Variants in ARL13A observed in about 807,000 individuals in gnomAD.
The protein encoded by ARL13A is ADP-ribosylation factor-like protein 13A.
Under a neutral mutation model 19.1 loss-of-function variants are expected in ARL13A, and 16 were observed. That is an observed-to-expected ratio of 0.84 (90% CI 0.57 to 1.27). The LOEUF is 1.27. Among genes scored for constraint, ARL13A ranks in the 50% most tolerant of loss-of-function variants. ARL13A has a pLI of 0.00. For missense variants in ARL13A, 153 were observed against 186.4 expected (o/e 0.82, Z 1.04); for synonymous variants, 69 against 71.3 (o/e 0.97, Z 0.17).
At chrX:100,988,953 C>T (rs60200387) in intron 7 of ARL13A, among the ~76,000 whole-genome samples, 12,843 of 103,575 alleles carry the variant, frequency 0.12, 719 homozygotes, top group Admixed American at 0.16. Context: ...AGGATAATTA[C>T]GCAAGTACCC....
chrX:100,990,671 C>A lies in ARL13A; in HGVS notation c.*83C>A. 1.0e-6 allele frequency: 1 copy of A among 976,607 alleles called. No homozygotes were observed. Among genetic ancestry groups the A allele is most frequent in the Non-Finnish European group, 1.4e-6 (1 of 704,065 alleles). The allele number at this position is 976,607 out of a possible 1,213,427, so 80.5% of individuals were successfully genotyped here. A position where few individuals can be genotyped will look rare whatever the true frequency, so the allele number is the denominator to read the frequency against. Reference sequence around the variant, plus strand: ...AGAACAGAGACTTTACATCTTTGTACCGAGATGCTGCTGACAAAGCTTGTG... The same window carrying A: ...AGAACAGAGACTTTACATCTTTGTAACGAGATGCTGCTGACAAAGCTTGTG... On this transcript the variant is annotated 3_prime_UTR_variant, in exon 8 of 8. Coordinates refer to ENST00000450049, the MANE Select transcript of ARL13A (RefSeq NM_001162491.2).
chrX:100,976,645 T>C (rs980680446), intron 3 of ARL13A, among the ~76,000 whole-genome samples: 2 of 112,533 alleles, frequency 1.8e-5, no homozygotes, highest in African/African-American at 6.5e-5. Context: ...GGAGTTTCAC[T>C]CTTGTTGCCC....
At chrX:100,970,398 C>T (rs995568545) in intron 1 of ARL13A, among the ~76,000 whole-genome samples, 4 of 112,466 alleles carry the variant, frequency 3.6e-5, no homozygotes, top group South Asian at 7.4e-4. Flanking sequence ...CTGGATGACT[C>T]TGCAGAACCC....
At chrX:100,970,633 C>A (rs945408979) in intron 1 of ARL13A, among the ~76,000 whole-genome samples, 1 of 111,033 alleles carries the variant, frequency 9.0e-6, no homozygotes, top group Non-Finnish European at 1.9e-5. Context: ...GTTGGCACTG[C>A]GAAACCCATG....
intron 1 of ARL13A, among the ~76,000 whole-genome samples, chrX:100,973,338 G>A (rs1477553862): frequency 3.9e-4 from 38 of 96,210 alleles, no homozygotes; most frequent in Non-Finnish European, 3.2e-4. Flanking sequence ...CTGCAATCTC[G>A]GTACTTTGGG....
At chrX:100,975,767 G>A (rs915330263) in intron 3 of ARL13A, among the ~76,000 whole-genome samples, 1 of 109,524 alleles carries the variant, frequency 9.1e-6, no homozygotes, top group South Asian at 4.0e-4. Context: ...CGAGTAGCTG[G>A]GATTACATGT....
intron 3 of ARL13A, among the ~76,000 whole-genome samples, chrX:100,980,571 G>GTGCT (rs1468847884): frequency 9.0e-6 from 1 of 110,924 alleles, no homozygotes; most frequent in African/African-American, 3.3e-5. Flanking sequence ...AGTCTGCTTG[G>GTGCT]TGCTGTATTT....
chrX:100,976,602 G>T (rs1044551032), intron 3 of ARL13A, among the ~76,000 whole-genome samples: 1 of 111,993 alleles, frequency 8.9e-6, no homozygotes, highest in African/African-American at 3.2e-5. Context: ...TGTTTTTGTT[G>T]TTGTTGTTAG....
At chrX:100,971,107 C>T (rs890094768) in intron 1 of ARL13A, among the ~76,000 whole-genome samples, 1 of 106,714 alleles carries the variant, frequency 9.4e-6, no homozygotes, top group Non-Finnish European at 1.9e-5. Flanking sequence ...CCTAAATTAT[C>T]CTTTTTACTT....
At chrX:100,978,788 T>C in intron 3 of ARL13A, among the ~76,000 whole-genome samples, 1 of 111,328 alleles carries the variant, frequency 9.0e-6, no homozygotes. Flanking sequence ...TCTTCCTTTT[T>C]GTGAAAGTGA....
chrX:100,983,646 C>T (rs748909291), intron 3 of ARL13A, among the ~76,000 whole-genome samples: 27 of 111,427 alleles, frequency 2.4e-4, no homozygotes, highest in East Asian at 2.8e-4. Flanking sequence ...TGTGAGCCAC[C>T]GTCCCTGGCC....
chrX:100,979,474 T>C (rs1266528127), intron 3 of ARL13A, among the ~76,000 whole-genome samples: 1 of 112,348 alleles, frequency 8.9e-6, no homozygotes, highest in Non-Finnish European at 1.9e-5. Flanking sequence ...TCAATCTTTG[T>C]TAAACTTATC....
chrX:100,974,013 C>A, intron 2 of ARL13A, 114 bp from the exon 3 acceptor site: 1 of 629,729 alleles, frequency 1.6e-6, no homozygotes, highest in East Asian at 3.6e-5. Context: ...ATGGTACATG[C>A]ATTGAGATTA....
rs1273086551 is a variant in ARL13A at position 100,973,661 on chromosome X, C to T, written c.-14-15C>T. On this transcript the variant is annotated splice_polypyrimidine_tract_variant and intron_variant, in intron 1 of 7. Coordinates refer to ENST00000450049, the MANE Select transcript of ARL13A (RefSeq NM_001162491.2). Reference sequence around the variant, plus strand: ...GGACTTACTTCTTATTTTCTTTCTTCTCTTAATATTTAAGAACTAAGATGA... The same window carrying T: ...GGACTTACTTCTTATTTTCTTTCTTTTCTTAATATTTAAGAACTAAGATGA... 8.3e-7 allele frequency: 1 copy of T among 1,199,117 alleles called. No individual in the cohort carries two copies. The highest frequency in any genetic ancestry group is 1.7e-5 in the African/African-American group (1 of 57,598).
In ARL13A at chrX:100,986,844, T is replaced by C; in HGVS notation, c.429T>C (p.Ile143=). 8.3e-7 allele frequency: 1 copy of C among 1,207,564 alleles called. No homozygotes were observed. The highest frequency in any genetic ancestry group is 1.1e-6 in the Non-Finnish European group (1 of 893,150). ...DKKKALMPCD[I]IDYLLLKKLV... is the part of the protein sequence containing the mutation. ...AGAAAGCCCTCATGCCTTGTGATAT[T>C]ATTGACTATCTACTTCTAAAGAAGC... Residue 143 remains isoleucine (I), a synonymous_variant, in exon 5 of 8, where the codon ATT becomes ATC. Coordinates refer to ENST00000450049, the MANE Select transcript of ARL13A (RefSeq NM_001162491.2).
rs188949775 is a variant in ARL13A, at chrX:100,986,469, G to T, written c.381-327G>T. ...CAACTAGAGCATGAACAGAGTTTGGGAAAGGATGTAAAAACTCCAAATATG... is the reference window on the plus strand; with the variant it reads ...CAACTAGAGCATGAACAGAGTTTGGTAAAGGATGTAAAAACTCCAAATATG... On this transcript the variant is annotated intron_variant, in intron 4 of 7. Transcript: ENST00000450049. Among the ~76,000 whole-genome samples the T allele has an allele frequency of 4.7e-4, 53 of 111,889 alleles. 1 individual carries two copies. The East Asian group carries it at 0.01, about 22-fold the overall frequency.
intron 1 of ARL13A, among the ~76,000 whole-genome samples, chrX:100,971,048 C>T (rs1192428775): frequency 1.8e-5 from 2 of 110,131 alleles, no homozygotes; most frequent in Non-Finnish European, 3.8e-5. Flanking sequence ...TCATAACAGC[C>T]AAAAAGTAGA....
intron 7 of ARL13A, chrX:100,990,309 A>C: frequency 1.1e-6 from 1 of 883,226 alleles, no homozygotes; most frequent in South Asian, 5.5e-5. Context: ...ACAATAACTG[A>C]CCTTTTTCTC....
At chrX:100,970,776 T>A (rs2085641701) in intron 1 of ARL13A, among the ~76,000 whole-genome samples, 2 of 110,033 alleles carry the variant, frequency 1.8e-5, no homozygotes, top group Admixed American at 1.9e-4. Flanking sequence ...TCAACCATAA[T>A]TAGTCATTAG....
Sources: gnomAD v4.1 joint callset for allele counts (sites outside exome capture counted in the v4.1 genomes callset) on GRCh38, gnomAD v4.1.1 for gene constraint, MANE v1.5 for transcripts, NCBI Gene and HGNC (gene_info 2026-07-23, HGNC 2026-07-21) for gene names.